The following NCCRP1 variants were observed in gnomAD, a reference collection of about 807,000 sequenced individuals.
NCCRP1 encodes the protein F-box only protein 50.
In NCCRP1, 32 loss-of-function variants were observed where a neutral mutation model predicts 34.4. The ratio of observed to expected loss-of-function variants is 0.93; its 90% CI spans 0.70 to 1.25. The LOEUF is 1.25. NCCRP1 is among the 50% of genes most tolerant of loss of function. The probability of loss-of-function intolerance (pLI) is 0.00; values close to 1 mark genes in which losing one functional copy is unlikely to be tolerated. For synonymous variants in NCCRP1, 172 were observed against 180.1 expected (o/e 0.95, Z 0.36); for missense variants, 372 against 391.8 (o/e 0.95, Z 0.43).
intron 1 of NCCRP1, 73 bp downstream of exon 1, chr19:39,197,392 A>C (rs2074767299): frequency 2.1e-5 from 26 of 1,217,980 alleles, no homozygotes; most frequent in Non-Finnish European, 2.6e-5. Context: ...CTGTTTCCTT[A>C]TCTCTCTACC....
chr19:39,200,956 A>C lies in NCCRP1; in HGVS notation c.*200A>C. The C allele has an allele frequency of 6.6e-6, 4 of 605,916 alleles. No individual in the cohort carries two copies. In the Admixed American group the frequency reaches 9.9e-5, roughly 15 times the overall value. 37.5% of individuals were successfully genotyped at this position (605,916 alleles called of 1,614,324 possible). A position where few individuals can be genotyped will look rare whatever the true frequency, so the allele number is the denominator to read the frequency against. On this transcript the variant is annotated 3_prime_UTR_variant, in exon 6 of 6. Coordinates refer to ENST00000339852, the MANE Select transcript of NCCRP1 (RefSeq NM_001001414.2). The surrounding 1 kb of genome is among the most constrained non-coding windows in gnomAD (Gnocchi z 5.8). ...CCATGAGGGCGGAGCCACTCCTTGT[A>C]AATTCAGTGCCCGACAGATGCTCTG...
Position 39,197,110 on chromosome 19 carries a change from C to G in NCCRP1, c.128C>G (p.Ser43Trp), listed in dbSNP as rs1244043999. 1 of 1,521,216 alleles carries G rather than the reference C, an allele frequency of 6.6e-7. No individual in the cohort carries two copies. Among genetic ancestry groups the G allele is most frequent in the Non-Finnish European group, 8.8e-7 (1 of 1,141,420 alleles). The allele number at this position is 1,521,216 out of a possible 1,614,324, so 94.2% of individuals were successfully genotyped here. The change falls in exon 1 of 6, where the codon TCG becomes TGG. Residue 43 changes from serine (S) to tryptophan (W), a missense_variant. Physicochemically the swap from Ser to Trp is radical, Grantham distance 177. Coordinates refer to ENST00000339852, the MANE Select transcript of NCCRP1 (RefSeq NM_001001414.2). The part of the protein sequence containing the change: ...SPPPSPPPLP[S>W]PPSLPSPAAP... Reference sequence around the variant, plus strand: ...CCGCCGTCGCCGCCACCACTGCCCTCGCCGCCGTCGCTGCCATCGCCCGCA... The same window carrying G: ...CCGCCGTCGCCGCCACCACTGCCCTGGCCGCCGTCGCTGCCATCGCCCGCA...
chr19:39,198,402 A>T (rs540710086), intron 3 of NCCRP1, 149 bp downstream of exon 3: 1 of 872,112 alleles, frequency 1.1e-6, no homozygotes, highest in East Asian at 2.6e-5. Flanking sequence ...CTTGTAAAAC[A>T]CACAGCATAG....
chr19:39,200,662 A>G lies in NCCRP1; in HGVS notation c.734A>G (p.His245Arg). ...RHYGPGVRFIHFLHKAKNRME... is the reference protein window; with the variant it reads ...RHYGPGVRFIRFLHKAKNRME... ...TATGGTCCCGGTGTGCGCTTTATCC[A>G]CTTCCTGCACAAGGCCAAGAACCGC... is the stretch of plus-strand genomic sequence containing the variant. The change falls in exon 6 of 6, where the codon CAC becomes CGC. Residue 245 changes from histidine (H) to arginine (R), a missense_variant. By Grantham distance (29) the His-to-Arg change is conservative. Transcript: ENST00000339852. The surrounding 1 kb of genome is among the most constrained non-coding windows in gnomAD (Gnocchi z 5.8). The G allele has an allele frequency of 6.2e-7, 1 of 1,614,072 alleles. No individual in the cohort carries two copies. Among genetic ancestry groups the G allele is most frequent in the Admixed American group, 1.7e-5 (1 of 60,002 alleles).
In NCCRP1 at chr19:39,200,436, C is replaced by T. The variant is rs781496915; in HGVS notation, c.639C>T (p.His213=). Residue 213 remains histidine, a synonymous_variant, in exon 5 of 6, where the codon CAC becomes CAT. Coordinates refer to ENST00000339852, the MANE Select transcript of NCCRP1 (RefSeq NM_001001414.2). The surrounding 1 kb of genome is among the most constrained non-coding windows in gnomAD (Gnocchi z 5.8). ...GCCGCACGGTCATTGCTCAGCACCA[C>T]GTGGCCCCCCGAACTTCTGGGAGAG... ...ADRRTVIAQH[H]VAPRTSGRGP... is the part of the protein sequence containing the mutation. 14 of 1,613,518 alleles carry T rather than the reference C, an allele frequency of 8.7e-6. No individual in the cohort carries two copies. Among genetic ancestry groups the T allele is most frequent in the East Asian group, 2.2e-5 (1 of 44,882 alleles).
Position 39,197,270 on chromosome 19 carries a change from G to T in NCCRP1, c.288G>T (p.Leu96=). 1 of 1,494,642 alleles carries T rather than the reference G, an allele frequency of 6.7e-7. No homozygotes were observed. Among genetic ancestry groups the T allele is most frequent in the Non-Finnish European group, 8.8e-7 (1 of 1,132,648 alleles). The allele number at this position is 1,494,642 out of a possible 1,614,324, so 92.6% of individuals were successfully genotyped here. The change falls in exon 1 of 6, where the codon CTG becomes CTT. Residue 96 remains leucine, a synonymous_variant. Coordinates refer to ENST00000339852, the MANE Select transcript of NCCRP1 (RefSeq NM_001001414.2). ...LPQRLTWKLL[L]LRRPLYRNLL... ...AGCGCCTCACCTGGAAGCTGCTCCT[G>T]TTGCGGCGGCCGCTCTACCGCAACC...
chr19:39,200,944 G>A lies in NCCRP1; in HGVS notation c.*188G>A. The A allele has an allele frequency of 1.5e-6, 1 of 655,372 alleles. No individual in the cohort carries two copies. Among genetic ancestry groups the A allele is most frequent in the East Asian group, 2.9e-5 (1 of 35,034 alleles). The allele number at this position is 655,372 out of a possible 1,614,324, so 40.6% of individuals were successfully genotyped here. On this transcript the variant is annotated 3_prime_UTR_variant, in exon 6 of 6. Coordinates refer to ENST00000339852, the MANE Select transcript of NCCRP1 (RefSeq NM_001001414.2). This position sits in a 1 kb window ranked among gnomAD's most constrained non-coding sequence, Gnocchi z 5.8. Reference sequence around the variant, plus strand: ...ACTGTCTGAGCCCCATGAGGGCGGAGCCACTCCTTGTAAATTCAGTGCCCG... The same window carrying A: ...ACTGTCTGAGCCCCATGAGGGCGGAACCACTCCTTGTAAATTCAGTGCCCG...
In NCCRP1 at chr19:39,198,261, G is replaced by A. The variant is rs12610093; in HGVS notation, c.452+8G>A. On this transcript the variant is annotated splice_region_variant and intron_variant, in intron 3 of 5. Transcript: ENST00000339852. ...GCTCCAGCAGAACCAAAGGTGAGTC[G>A]CCAGGGCCAGTGTGGCTTACACTCC... 2.1e-4 allele frequency: 334 copies of A among 1,613,558 alleles called. No homozygotes were observed. Among genetic ancestry groups the A allele is most frequent in the Non-Finnish European group, 2.7e-4 (323 of 1,179,842 alleles).
chr19:39,198,326 A>G, intron 3 of NCCRP1, 73 bp downstream of exon 3: 3 of 1,527,674 alleles, frequency 2.0e-6, no homozygotes, highest in Non-Finnish European at 2.7e-6. Flanking sequence ...GACCTGGAGA[A>G]ACTGACTTGG....
intron 4 of NCCRP1, among the ~76,000 whole-genome samples, chr19:39,199,509 C>CTTTTTTTTTTTTTTTTTTTTTTTT (rs150534648): frequency 4.4e-5 from 3 of 67,862 alleles, no homozygotes; most frequent in African/African-American, 6.4e-5. Flanking sequence ...TTTTTTCTTT[C>CTTTTTTTTTTTTTTTTTTTTTTTT]TTTTTTTTTT....
At chr19:39,198,006 G>A in intron 1 of NCCRP1, 47 bp from the exon 2 acceptor site, 1 of 1,604,806 alleles carries the variant, frequency 6.2e-7, no homozygotes, top group South Asian at 1.1e-5. Flanking sequence ...TGAGGCGGTG[G>A]AAGATGGAGG....
At position 39,197,281 on chromosome 19, in the gene NCCRP1, C is replaced by G; in HGVS notation, c.299C>G (p.Pro100Arg). The change falls in exon 1 of 6, where the codon CCG becomes CGG. Residue 100 changes from proline to arginine, a missense_variant. By Grantham distance (103) the Pro-to-Arg change is moderately radical. Coordinates refer to ENST00000339852, the MANE Select transcript of NCCRP1 (RefSeq NM_001001414.2). Reference sequence around the variant, plus strand: ...TGGAAGCTGCTCCTGTTGCGGCGGCCGCTCTACCGCAACCTGCTGCGCTCG... The same window carrying G: ...TGGAAGCTGCTCCTGTTGCGGCGGCGGCTCTACCGCAACCTGCTGCGCTCG... Reference protein sequence around the residue: ...LTWKLLLLRRPLYRNLLRSPN... With the variant: ...LTWKLLLLRRRLYRNLLRSPN... 6.7e-7 allele frequency: 1 copy of G among 1,491,410 alleles called. No individual in the cohort carries two copies. The highest frequency in any genetic ancestry group is 8.8e-7 in the Non-Finnish European group (1 of 1,131,032). The allele number at this position is 1,491,410 out of a possible 1,614,324, so 92.4% of individuals were successfully genotyped here.
At chr19:39,198,175 C>T (rs12610064) in intron 2 of NCCRP1, 27 bp from the exon 3 acceptor site, 541,408 of 1,613,522 alleles carry the variant, frequency 0.34, 92,510 homozygotes, top group East Asian at 0.47. Flanking sequence ...GTTGGGGTGT[C>T]CTAACCCTTT....
Position 39,197,236 on chromosome 19 carries a change from A to G in NCCRP1, c.254A>G (p.Glu85Gly), listed in dbSNP as rs2074766192. The change falls in exon 1 of 6, where the codon GAG (glutamate) becomes GGG (glycine). Residue 85 changes from glutamate (E) to glycine (G), a missense_variant. Transcript: ENST00000339852. ...TGGGGGCCGCTGAGCGGGGGCCTGG[A>G]GCTGCCCCAGCGCCTCACCTGGAAG... is the stretch of plus-strand genomic sequence containing the variant. ...EEWGPLSGGL[E>G]LPQRLTWKLL... 1.4e-6 allele frequency: 2 copies of G among 1,477,142 alleles called. No homozygotes were observed. Among genetic ancestry groups the G allele is most frequent in the Non-Finnish European group, 8.9e-7 (1 of 1,124,178 alleles). The allele number at this position is 1,477,142 out of a possible 1,614,324, so 91.5% of individuals were successfully genotyped here. A position where few individuals can be genotyped will look rare whatever the true frequency, so the allele number is the denominator to read the frequency against.
intron 3 of NCCRP1, among the ~76,000 whole-genome samples, chr19:39,198,916 C>A (rs1470364500): frequency 6.6e-6 from 1 of 152,152 alleles, no homozygotes; most frequent in Non-Finnish European, 1.5e-5. Context: ...GGTTGGGATC[C>A]TGGCTCTGCC....
chr19:39,198,286 C>G (rs764663282), intron 3 of NCCRP1, 33 bp downstream of exon 3: 7 of 1,608,950 alleles, frequency 4.4e-6, no homozygotes, highest in Non-Finnish European at 5.1e-6. Flanking sequence ...GCTTACACTC[C>G]ATTCCCTGCT....
rs763705734 is a variant in NCCRP1, at chr19:39,198,174, TC to T, written c.401-26del. 8.1e-6 allele frequency: 13 copies of T among 1,614,102 alleles called. No homozygotes were observed. In the South Asian group the frequency reaches 1.1e-4, roughly 14 times the overall value. On this transcript the variant is annotated intron_variant, in intron 2 of 5. Coordinates refer to ENST00000339852, the MANE Select transcript of NCCRP1 (RefSeq NM_001001414.2). ...GGGAGGGTCCTCCAGCGTTGGGGTG[TC>T]CTAACCCTTTGCTCCCCAACCTGCA... is the stretch of plus-strand genomic sequence containing the variant.
chr19:39,197,982 C>G, intron 1 of NCCRP1, 71 bp from the exon 2 acceptor site: 1 of 1,542,104 alleles, frequency 6.5e-7, no homozygotes, highest in Non-Finnish European at 9.0e-7. Context: ...TATAGCCCTG[C>G]GGGTAGGGAG....
rs1346812946 is a variant in NCCRP1, at chr19:39,198,221, CATTAGA to C, written c.422_427del (p.Ile141_Arg142del). 6.2e-7 allele frequency: 1 copy of C among 1,614,026 alleles called. No individual in the cohort carries two copies. The highest frequency in any genetic ancestry group is 1.3e-5 in the African/African-American group (1 of 74,918). On this transcript the variant is annotated inframe_deletion, in exon 3 of 6. Coordinates refer to ENST00000339852, the MANE Select transcript of NCCRP1 (RefSeq NM_001001414.2). ...CTGCAGGCAATTTCCGTGGCTGGTA[CATTAGA>C]ACTGAAAAGCTCCAGCAGAACCAAA... is the stretch of plus-strand genomic sequence containing the variant.
Sources: gnomAD v4.1 joint callset for allele counts (sites outside exome capture counted in the v4.1 genomes callset) on GRCh38, gnomAD v4.1.1 for gene constraint, Gnocchi (gnomAD v3.1) non-coding constraint, MANE v1.5 for transcripts, NCBI Gene and HGNC (gene_info 2026-07-23, HGNC 2026-07-21) for gene names.